HEATR4: variants seen among roughly 807,000 people sequenced by gnomAD.
HEATR4 encodes HEAT repeat-containing protein 4.
In HEATR4, 95 loss-of-function variants were observed where a neutral mutation model predicts 108.8. The ratio of observed to expected loss-of-function variants is 0.87; its 90% CI spans 0.74 to 1.04. HEATR4 has a LOEUF of 1.04. HEATR4 is among the 50% of genes least tolerant of loss of function. HEATR4 has a pLI of 0.00. For missense variants in HEATR4, 1,152 were observed against 1,253.8 expected, an observed-to-expected ratio of 0.92 and a Z score of 1.23; for synonymous variants, 443 against 459.4, an observed-to-expected ratio of 0.96 and a Z score of 0.46.
At chr14:73,562,285 G>C (rs1889541321), upstream of HEATR4, among the ~76,000 whole-genome samples, 1 of 152,044 alleles carries the variant, frequency 6.6e-6, no homozygotes, top group Non-Finnish European at 1.5e-5. Context: ...ACATTTATCA[G>C]TTCCCAAATA....
At chr14:73,617,460 T>C in the HEATR4 span, among the ~76,000 whole-genome samples, 6 of 151,974 alleles carry the variant, frequency 3.9e-5, no homozygotes, top group African/African-American at 1.5e-4. Flanking sequence ...TCAAAAAAAG[T>C]TTTTGTACTA....
intron 1 of HEATR4, among the ~76,000 whole-genome samples, chr14:73,550,778 GAAGAC>G (rs1889306874): frequency 8.7e-6 from 1 of 115,596 alleles, no homozygotes; most frequent in Admixed American, 9.9e-5. Flanking sequence ...TTTAAACCAA[GAAGAC>G]AAGAACCGAG....
chr14:73,507,836 A>C (rs141205680), intron 9 of HEATR4, among the ~76,000 whole-genome samples: 6,629 of 152,218 alleles, frequency 0.044, 190 homozygotes, highest in Non-Finnish European at 0.069. Flanking sequence ...TTCACCTCCC[A>C]GGCTGAAGTG....
Position 73,558,355 on chromosome 14 carries a change from C to T in HEATR4, c.-152+396G>A, listed in dbSNP as rs1372264582. On this transcript the variant is annotated intron_variant, in intron 1 of 17. Transcript: ENST00000553558. ...AACTCTGCTATAAAGATGACCTGGT[C>T]TAATGCCTTGATTTGTTTTTTTTTT... 2.5e-5 allele frequency among the ~76,000 whole-genome samples: 3 copies of T among 120,442 alleles called. No homozygotes were observed. The Admixed American group carries it at 2.6e-4, about 10-fold the overall frequency. The allele number at this position is 120,442 out of a possible 152,430, so 79.0% of individuals were successfully genotyped here.
chr14:73,627,368 C>T, the HEATR4 span, among the ~76,000 whole-genome samples: 2 of 152,048 alleles, frequency 1.3e-5, no homozygotes, highest in Admixed American at 6.6e-5. Context: ...AACATCAGAT[C>T]CCACAGGTTG....
chr14:73,582,735 C>T, the HEATR4 span: 1 of 152,094 alleles, frequency 6.6e-6, no homozygotes, highest in Non-Finnish European at 1.5e-5. Flanking sequence ...AGCAACACCT[C>T]TTCCCACCAC....
chr14:73,506,823 T>TTTTTTTTTTTTTTTTTTG, intron 9 of HEATR4, among the ~76,000 whole-genome samples: 1 of 138,132 alleles, frequency 7.2e-6, no homozygotes, highest in Admixed American at 7.1e-5. Context: ...TTTTTTTTTT[T>TTTTTTTTTTTTTTTTTTG]TTCTGAGAAG....
intron 17 of HEATR4, chr14:73,491,098 G>C (rs562214961): frequency 6.2e-7 from 1 of 1,601,856 alleles, no homozygotes; most frequent in South Asian, 1.1e-5. Flanking sequence ...CACACAGCGG[G>C]TCGGTCCTGG....
chr14:73,593,664 T>G, the HEATR4 span: 2 of 1,537,178 alleles, frequency 1.3e-6, no homozygotes, highest in Non-Finnish European at 1.8e-6. Context: ...TTCTTTAAAT[T>G]GTATAATGGC....
At chr14:73,561,615 G>C (rs530204922), upstream of HEATR4, among the ~76,000 whole-genome samples, 185 of 151,928 alleles carry the variant, frequency 1.2e-3, no homozygotes, top group African/African-American at 4.2e-3. Context: ...GAACCCAGGA[G>C]GTTGCAGTGA....
chr14:73,493,457 G>T, intron 16 of HEATR4: 1 of 257,600 alleles, frequency 3.9e-6, no homozygotes, highest in Admixed American at 5.1e-5. Context: ...GCGGGAGGAA[G>T]ATAGGGAAAA....
upstream of HEATR4, among the ~76,000 whole-genome samples, chr14:73,560,641 G>A (rs1477152460): frequency 6.4e-5 from 9 of 141,268 alleles, no homozygotes; most frequent in East Asian, 1.9e-3. Flanking sequence ...CAGCCTGGGC[G>A]ACAGAGCAAG....
At chr14:73,578,916 T>A in the HEATR4 span, among the ~76,000 whole-genome samples, 3 of 151,638 alleles carry the variant, frequency 2.0e-5, no homozygotes, top group African/African-American at 7.3e-5. Flanking sequence ...AAACCCCATC[T>A]CTACTAAAAA....
At chr14:73,576,389 C>T in the HEATR4 span, among the ~76,000 whole-genome samples, 1 of 151,902 alleles carries the variant, frequency 6.6e-6, no homozygotes, top group Non-Finnish European at 1.5e-5. Flanking sequence ...TCTCCTAGTG[C>T]AAATAAATTT....
Position 73,495,283 on chromosome 14 carries a change from G to C in HEATR4, c.2730C>G (p.Pro910=). The C allele has an allele frequency of 1.2e-6, 2 of 1,613,980 alleles. No individual in the cohort carries two copies. The highest frequency in any genetic ancestry group is 1.7e-6 in the Non-Finnish European group (2 of 1,179,980). ...GTGTTAGTGGTCCTTGTTCTCCTTT[G>C]GGTTTCAAGTAAACACGTTTTGCTT... is the stretch of plus-strand genomic sequence containing the variant. The part of the protein sequence containing the change: ...REEAKRVYLK[P]KGEQGPLTLQ... Residue 910 remains proline, a synonymous_variant, in exon 16 of 18, where the codon CCC becomes CCG. Transcript: ENST00000553558.
intron 8 of HEATR4, among the ~76,000 whole-genome samples, 177 bp downstream of exon 8, chr14:73,509,135 G>A (rs1887041128): frequency 6.6e-6 from 1 of 152,160 alleles, no homozygotes; most frequent in South Asian, 2.1e-4. Context: ...CCAAAGTGCT[G>A]GGATTACAGG....
At chr14:73,617,688 G>C in the HEATR4 span, among the ~76,000 whole-genome samples, 1 of 152,044 alleles carries the variant, frequency 6.6e-6, no homozygotes, top group Non-Finnish European at 1.5e-5. Context: ...AATGTATATA[G>C]AGAAAATGAC....
the HEATR4 span, among the ~76,000 whole-genome samples, chr14:73,586,317 C>A: frequency 3.3e-5 from 5 of 152,208 alleles, no homozygotes; most frequent in Admixed American, 3.3e-4. Flanking sequence ...TCACTTGAAC[C>A]CCGGAGGCAG....
At chr14:73,621,769 T>TC in the HEATR4 span, among the ~76,000 whole-genome samples, 1 of 142,808 alleles carries the variant, frequency 7.0e-6, no homozygotes, top group East Asian at 2.0e-4. Context: ...TTCTTTTTTT[T>TC]TTTTTTTTTT....
Sources: gnomAD v4.1 joint callset for allele counts (sites outside exome capture counted in the v4.1 genomes callset) on GRCh38, gnomAD v4.1.1 for gene constraint, MANE v1.5 for transcripts, NCBI Gene and HGNC (gene_info 2026-07-23, HGNC 2026-07-21) for gene names.